The following MX2 variants were observed in gnomAD, a reference collection of about 807,000 sequenced individuals.
The protein encoded by MX2 is MX dynamin like GTPase 2.
A neutral mutation model predicts 74.0 loss-of-function variants in MX2; 51 were observed. The observed-to-expected ratio is 0.69, with a 90% confidence interval of 0.55 to 0.87. The LOEUF (loss-of-function observed/expected upper bound fraction) is 0.87, where lower values mean the gene tolerates loss of function less well. Among genes scored for constraint, MX2 ranks in the 40% least tolerant of loss-of-function variants. The pLI is 0.00. For synonymous variants in MX2, 369 were observed against 339.3 expected (o/e 1.09, Z -0.96); for missense variants, 832 against 908.7 (o/e 0.92, Z 1.09).
At chr21:41,383,106 C>A (rs183014345) in intron 5 of MX2, among the ~76,000 whole-genome samples, 63 of 152,240 alleles carry the variant, frequency 4.1e-4, no homozygotes, top group Non-Finnish European at 7.5e-4. Context: ...TGCCTGTAAT[C>A]CCAACACTTT....
At chr21:41,372,391 A>G (rs908431468) in intron 1 of MX2, among the ~76,000 whole-genome samples, 5 of 152,234 alleles carry the variant, frequency 3.3e-5, no homozygotes, top group Non-Finnish European at 5.9e-5. Context: ...ACTATTTTTG[A>G]GATTGCCAAT....
chr21:41,382,692 T>A, intron 5 of MX2, 128 bp downstream of exon 5: 1 of 1,254,114 alleles, frequency 8.0e-7, no homozygotes, highest in Non-Finnish European at 1.1e-6. Flanking sequence ...AGGTAAGACC[T>A]GCCCAGGTGG....
intron 5 of MX2, chr21:41,389,971 T>C (rs1212112767): frequency 6.6e-6 from 1 of 152,300 alleles, no homozygotes; most frequent in Admixed American, 6.5e-5. Flanking sequence ...ATTTCTCTTA[T>C]TTGATTGAAC....
intron 1 of MX2, among the ~76,000 whole-genome samples, chr21:41,375,247 C>G (rs1370324913): frequency 1.3e-5 from 2 of 152,202 alleles, no homozygotes; most frequent in African/African-American, 4.8e-5. Context: ...TTTGGCATTT[C>G]CCTGCTAGGA....
At chr21:41,370,376 T>C (rs2089308074) in intron 1 of MX2, 1 of 152,228 alleles carries the variant, frequency 6.6e-6, no homozygotes, top group Non-Finnish European at 1.5e-5. Context: ...CGGGCCAGCA[T>C]GGGGGTGCAT....
chr21:41,393,342 G>A (rs1255261305), intron 6 of MX2, among the ~76,000 whole-genome samples: 2 of 152,058 alleles, frequency 1.3e-5, no homozygotes, highest in East Asian at 1.9e-4. Context: ...GGCTTCAGCC[G>A]AGCTCCTGTG....
chr21:41,393,127 A>AAAAAAAG (rs1568944000), intron 6 of MX2, among the ~76,000 whole-genome samples: 3 of 141,968 alleles, frequency 2.1e-5, no homozygotes, highest in African/African-American at 8.7e-5. Context: ...AAAAAAAAAA[A>AAAAAAAG]AAAAGAAAGA....
chr21:41,377,214 T>C, intron 2 of MX2, 59 bp downstream of exon 2: 2 of 1,596,524 alleles, frequency 1.3e-6, no homozygotes, highest in Non-Finnish European at 1.7e-6. Context: ...TGCAGAGGGC[T>C]GTCATGTAAG....
At chr21:41,372,583 T>C (rs2089339464) in intron 1 of MX2, among the ~76,000 whole-genome samples, 1 of 152,224 alleles carries the variant, frequency 6.6e-6, no homozygotes, top group Admixed American at 6.5e-5. Flanking sequence ...TGGCATGGCT[T>C]CTCAACTAAA....
intron 1 of MX2, among the ~76,000 whole-genome samples, chr21:41,375,609 T>G (rs1199733478): frequency 6.6e-6 from 1 of 152,192 alleles, no homozygotes; most frequent in Non-Finnish European, 1.5e-5. Context: ...TCCCTGTGTG[T>G]CTCCAGGTCC....
At chr21:41,385,315 CT>C (rs2089556779) in intron 5 of MX2, among the ~76,000 whole-genome samples, 1 of 152,220 alleles carries the variant, frequency 6.6e-6, no homozygotes, top group Admixed American at 6.5e-5. Flanking sequence ...CCACCCAAAT[CT>C]CATCTTGAAT....
At position 41,408,269 on chromosome 21, in the gene MX2, A is replaced by G. The variant is rs1253698943; in HGVS notation, c.*36A>G. ...TGCCTGTGGTTGTTTTCTTGTGCGTACTCATTCATTCTAAGGGGAGTCGGT... is the reference window on the plus strand; with the variant it reads ...TGCCTGTGGTTGTTTTCTTGTGCGTGCTCATTCATTCTAAGGGGAGTCGGT... On this transcript the variant is annotated 3_prime_UTR_variant, in exon 14 of 14. Transcript: ENST00000330714. 6.2e-7 allele frequency: 1 copy of G among 1,608,144 alleles called. No homozygotes were observed. Among genetic ancestry groups the G allele is most frequent in the East Asian group, 2.2e-5 (1 of 44,784 alleles).
At chr21:41,370,368 G>A (rs1044657874) in intron 1 of MX2, 1 of 152,242 alleles carries the variant, frequency 6.6e-6, no homozygotes, top group Non-Finnish European at 1.5e-5. Flanking sequence ...ACGGTCCTCG[G>A]GCCAGCATGG....
chr21:41,383,656 C>T (rs2089528487), intron 5 of MX2, among the ~76,000 whole-genome samples: 1 of 152,176 alleles, frequency 6.6e-6, no homozygotes, highest in African/African-American at 2.4e-5. Context: ...CCAACCACAA[C>T]CAAATTAAGG....
intron 6 of MX2, among the ~76,000 whole-genome samples, chr21:41,392,027 G>T (rs1380480721): frequency 2.0e-5 from 3 of 151,960 alleles, no homozygotes; most frequent in South Asian, 4.1e-4. Context: ...CCCTCTACGT[G>T]TTCATGTGTT....
chr21:41,374,079 C>G (rs942285806), intron 1 of MX2: 7 of 152,458 alleles, frequency 4.6e-5, no homozygotes, highest in African/African-American at 1.7e-4. Context: ...CCACACATGA[C>G]AGTGTTGGTA....
In MX2 at chr21:41,408,149, G is replaced by A; in HGVS notation, c.2064G>A (p.Lys688=). ...AAGAGCAGAGTGAGACCGCTACCAA[G>A]AGAAGAATCCTTAAGGAGAGAATTT... is the stretch of plus-strand genomic sequence containing the variant. ...LLQEQSETAT[K]RRILKERIYR... The change falls in exon 14 of 14, where the codon AAG becomes AAA. Residue 688 remains lysine (K), a synonymous_variant. Coordinates refer to ENST00000330714, the MANE Select transcript of MX2 (RefSeq NM_002463.2). 1.2e-6 allele frequency: 2 copies of A among 1,614,240 alleles called. No individual in the cohort carries two copies. Among genetic ancestry groups the A allele is most frequent in the Non-Finnish European group, 1.7e-6 (2 of 1,180,048 alleles).
chr21:41,370,882 G>A (rs970052139), intron 1 of MX2, among the ~76,000 whole-genome samples: 1 of 152,166 alleles, frequency 6.6e-6, no homozygotes, highest in African/African-American at 2.4e-5. Context: ...AATGTATGGC[G>A]TGGAATTCAG....
intron 6 of MX2, among the ~76,000 whole-genome samples, chr21:41,394,180 C>T (rs902448901): frequency 1.3e-5 from 2 of 152,252 alleles, no homozygotes; most frequent in African/African-American, 4.8e-5. Flanking sequence ...TTTACATTCT[C>T]TCCTGCTGCC....
Sources: allele counts gnomAD v4.1 joint callset (sites outside exome capture counted in the v4.1 genomes callset), GRCh38; gene constraint gnomAD v4.1.1; transcripts MANE v1.5; gene names NCBI Gene and HGNC (gene_info 2026-07-23, HGNC 2026-07-21).